EFCAB13: variants seen among roughly 807,000 people sequenced by gnomAD.
EFCAB13 encodes the protein EF-hand calcium binding domain 13.
Under a neutral mutation model 110.2 loss-of-function variants are expected in EFCAB13, and 91 were observed. That is an observed-to-expected ratio of 0.83 (90% CI 0.70 to 0.98). The LOEUF (loss-of-function observed/expected upper bound fraction) is 0.98. Ranked by LOEUF, EFCAB13 falls within the 50% of genes least tolerant of loss-of-function variation. The pLI is 0.00. For synonymous variants in EFCAB13, 323 were observed against 369.9 expected (o/e 0.87, Z 1.45); for missense variants, 968 against 1,119.4 (o/e 0.86, Z 1.93).
intron 24 of EFCAB13, among the ~76,000 whole-genome samples, chr17:47,435,837 G>A (rs1372015978): frequency 1.3e-5 from 2 of 152,118 alleles, no homozygotes; most frequent in African/African-American, 4.8e-5. Context: ...GAGGAGTGGT[G>A]AGAGTGGGCA....
intron 20 of EFCAB13, among the ~76,000 whole-genome samples, chr17:47,405,279 A>G (rs1342919740): frequency 6.6e-6 from 1 of 152,170 alleles, no homozygotes; most frequent in African/African-American, 2.4e-5. Context: ...TTGTACATAT[A>G]TCTTTGTGCA....
At chr17:47,362,364 G>A (rs944662567) in intron 10 of EFCAB13, among the ~76,000 whole-genome samples, 36 of 152,158 alleles carry the variant, frequency 2.4e-4, no homozygotes, top group African/African-American at 8.7e-4. Flanking sequence ...CCTGGACAGG[G>A]CCACCAGAGG....
chr17:47,390,008 A>G (rs1170925034), intron 14 of EFCAB13, among the ~76,000 whole-genome samples: 1 of 152,184 alleles, frequency 6.6e-6, no homozygotes, highest in Non-Finnish European at 1.5e-5. Context: ...AGAATCATCA[A>G]GTTCAGACAT....
intron 5 of EFCAB13, among the ~76,000 whole-genome samples, chr17:47,337,609 A>G (rs115114989): frequency 0.01 from 1,560 of 152,288 alleles, 30 homozygotes; most frequent in African/African-American, 0.034. Flanking sequence ...TTGTTTACCT[A>G]AATAAGGAAA....
chr17:47,366,585 A>T (rs2065547685), intron 10 of EFCAB13, among the ~76,000 whole-genome samples: 1 of 152,178 alleles, frequency 6.6e-6, no homozygotes, highest in South Asian at 2.1e-4. Context: ...ACCTTAGAGT[A>T]GGAGGCTGTT....
Position 47,391,533 on chromosome 17 carries a change from T to A in EFCAB13, c.1679T>A (p.Leu560His). ...NTCLQNFGIY[L>H]SKPEFKKITE... ...TGTCTTCAAAATTTTGGTATTTACC[T>A]TTCTAAGCCAGAATTTAAGAAGATC... is the stretch of plus-strand genomic sequence containing the variant. Residue 560 changes from leucine to histidine, a missense_variant, in exon 15 of 25, where the codon CTT becomes CAT. Physicochemically the swap from Leu to His is moderately conservative, Grantham distance 99. Transcript: ENST00000331493. 1 of 1,592,482 alleles carries A rather than the reference T, an allele frequency of 6.3e-7. No individual in the cohort carries two copies.
At chr17:47,392,130 C>T (rs1257722006) in intron 15 of EFCAB13, among the ~76,000 whole-genome samples, 1 of 151,924 alleles carries the variant, frequency 6.6e-6, no homozygotes, top group African/African-American at 2.4e-5. Flanking sequence ...AGTATATGAA[C>T]ATATTACACT....
intron 22 of EFCAB13, among the ~76,000 whole-genome samples, chr17:47,414,266 T>C (rs995585107): frequency 9.2e-5 from 14 of 152,200 alleles, no homozygotes; most frequent in Admixed American, 9.2e-4. Flanking sequence ...TGCGTGTGTG[T>C]GTGTGTACAT....
At chr17:47,370,627 C>G (rs1267097602) in intron 11 of EFCAB13, 119 bp downstream of exon 11, 1 of 613,264 alleles carries the variant, frequency 1.6e-6, no homozygotes, top group East Asian at 3.1e-5. Context: ...AATAATTTAC[C>G]CTCTTAAATC....
intron 10 of EFCAB13, among the ~76,000 whole-genome samples, chr17:47,364,878 G>A (rs1264166252): frequency 6.6e-6 from 1 of 152,078 alleles, no homozygotes; most frequent in Non-Finnish European, 1.5e-5. Flanking sequence ...ATTCTTCCTT[G>A]CTCTCTGTGC....
At chr17:47,439,071 A>C (rs1254163536) in intron 24 of EFCAB13, among the ~76,000 whole-genome samples, 2 of 150,580 alleles carry the variant, frequency 1.3e-5, no homozygotes, top group Admixed American at 6.6e-5. Flanking sequence ...CTCTCTTCTT[A>C]TGGGTAAACT....
At chr17:47,374,339 T>G (rs1308629207) in intron 11 of EFCAB13, 133 bp from the exon 12 acceptor site, 3 of 705,754 alleles carry the variant, frequency 4.3e-6, no homozygotes, top group Non-Finnish European at 6.3e-6. Flanking sequence ...TTCTTTAATT[T>G]TTTTGGTTTG....
intron 14 of EFCAB13, among the ~76,000 whole-genome samples, chr17:47,386,680 C>CA (rs1317734498): frequency 1.3e-5 from 2 of 150,996 alleles, no homozygotes; most frequent in African/African-American, 2.4e-5. Flanking sequence ...CTCTGGGGTA[C>CA]AAAAAAAAAC....
chr17:47,337,484 A>T (rs976928777), intron 5 of EFCAB13, among the ~76,000 whole-genome samples: 2 of 149,068 alleles, frequency 1.3e-5, no homozygotes, highest in Non-Finnish European at 3.0e-5. Flanking sequence ...ATATAAAAAT[A>T]AAAAAAATTT....
intron 17 of EFCAB13, among the ~76,000 whole-genome samples, chr17:47,397,584 C>T (rs1231381974): frequency 2.6e-5 from 4 of 151,070 alleles, no homozygotes; most frequent in South Asian, 2.1e-4. Context: ...TCTTCCCGGC[C>T]GCCATCCTAT....
At chr17:47,407,129 TAGG>T (rs1346265380) in intron 20 of EFCAB13, among the ~76,000 whole-genome samples, 1 of 152,054 alleles carries the variant, frequency 6.6e-6, no homozygotes, top group Non-Finnish European at 1.5e-5. Context: ...AATTGGCATT[TAGG>T]AGGAGTTATG....
chr17:47,397,183 C>T (rs2065744219), intron 17 of EFCAB13, among the ~76,000 whole-genome samples: 1 of 151,906 alleles, frequency 6.6e-6, no homozygotes, highest in African/African-American at 2.4e-5. Context: ...GACTGGTTTT[C>T]GTATTTTTTT....
chr17:47,387,964 C>T (rs1239641869), intron 14 of EFCAB13, among the ~76,000 whole-genome samples: 3 of 152,148 alleles, frequency 2.0e-5, no homozygotes, highest in East Asian at 1.9e-4. Context: ...GTCTCAAAAG[C>T]GATACTCTAG....
chr17:47,352,627 A>G (rs2065459691), intron 9 of EFCAB13, among the ~76,000 whole-genome samples: 1 of 152,112 alleles, frequency 6.6e-6, no homozygotes, highest in Admixed American at 6.5e-5. Context: ...GAAAAATGAC[A>G]TTGGTATTTT....
Sources: gnomAD v4.1 joint callset for allele counts (sites outside exome capture counted in the v4.1 genomes callset) on GRCh38, gnomAD v4.1.1 for gene constraint, MANE v1.5 for transcripts, NCBI Gene and HGNC (gene_info 2026-07-23, HGNC 2026-07-21) for gene names.